The following GIGYF2 variants were observed in gnomAD, a reference collection of about 807,000 sequenced individuals.
GIGYF2 encodes the protein GRB10 interacting GYF protein 2, also known as GRB10-interacting GYF protein 2.
Under a neutral mutation model 208.1 loss-of-function variants are expected in GIGYF2, and 25 were observed. The ratio of observed to expected loss-of-function variants is 0.12; its 90% CI spans 0.09 to 0.17. The LOEUF (loss-of-function observed/expected upper bound fraction) is 0.17, where lower values mean the gene tolerates loss of function less well. GIGYF2 is among the 10% of genes least tolerant of loss of function. The probability of loss-of-function intolerance (pLI) is 1.00; values close to 1 mark genes in which losing one functional copy is unlikely to be tolerated. For synonymous variants in GIGYF2, 534 were observed against 543.8 expected, an observed-to-expected ratio of 0.98 and a Z score of 0.25; for missense variants, 1,302 against 1,579.4, an observed-to-expected ratio of 0.82 and a Z score of 2.98.
chr2:232,742,266 C>T (rs978409856), intron 3 of GIGYF2, among the ~76,000 whole-genome samples: 7 of 152,148 alleles, frequency 4.6e-5, no homozygotes, highest in South Asian at 2.1e-4. Context: ...TGGGGCTGGG[C>T]GCAGTGGCTC....
At chr2:232,776,019 A>G (rs1319692174) in intron 8 of GIGYF2, among the ~76,000 whole-genome samples, 2 of 152,124 alleles carry the variant, frequency 1.3e-5, no homozygotes, top group African/African-American at 4.8e-5. Context: ...CGATTAGGAT[A>G]CTCATCACTT....
At chr2:232,824,750 G>C (rs549548345) in intron 21 of GIGYF2, among the ~76,000 whole-genome samples, 1 of 152,342 alleles carries the variant, frequency 6.6e-6, no homozygotes, top group Admixed American at 6.5e-5. Context: ...CAGTATAAAT[G>C]AAACAGCGTT....
intron 3 of GIGYF2, among the ~76,000 whole-genome samples, chr2:232,740,270 CAACA>C (rs1338175397): frequency 5.9e-5 from 9 of 152,106 alleles, no homozygotes; most frequent in Non-Finnish European, 1.5e-5. Context: ...CAACCTGGGA[CAACA>C]TAGTGAGAAC....
At chr2:232,839,390 T>C (rs944522362) in intron 22 of GIGYF2, among the ~76,000 whole-genome samples, 1 of 152,240 alleles carries the variant, frequency 6.6e-6, no homozygotes, top group Non-Finnish European at 1.5e-5. Flanking sequence ...GCATCTCTCA[T>C]GAGATGAGAA....
intron 23 of GIGYF2, 69 bp from the exon 24 acceptor site, chr2:232,843,976 GT>G: frequency 2.2e-6 from 3 of 1,372,966 alleles, no homozygotes; most frequent in Non-Finnish European, 3.1e-6. Context: ...ATTCCATTTA[GT>G]ATACTGGATA....
chr2:232,757,183 C>A (rs982485571), intron 6 of GIGYF2, among the ~76,000 whole-genome samples: 3 of 151,876 alleles, frequency 2.0e-5, no homozygotes, highest in African/African-American at 7.3e-5. Flanking sequence ...TCTACAGTCT[C>A]TCTAGAAAAT....
intron 4 of GIGYF2, among the ~76,000 whole-genome samples, chr2:232,748,321 C>A (rs889406997): frequency 6.6e-6 from 1 of 152,112 alleles, no homozygotes; most frequent in Non-Finnish European, 1.5e-5. Flanking sequence ...CTGGCTCAGT[C>A]ACCCAGGCTG....
chr2:232,739,879 C>A (rs1697906009), intron 3 of GIGYF2, among the ~76,000 whole-genome samples: 1 of 145,892 alleles, frequency 6.9e-6, no homozygotes, highest in Admixed American at 7.0e-5. Flanking sequence ...GCGGGTGGAT[C>A]ACTTGAGGTC....
Position 232,790,773 on chromosome 2 carries a change from A to T in GIGYF2, c.788A>T (p.Asp263Val), listed in dbSNP as rs748042091. ...RRFEFDFRDR[D>V]DERGYRRVRS... is the part of the protein sequence containing the mutation. ...TTTGAGTTTGATTTTCGAGATAGAG[A>T]TGATGAACGGGGTTACCGAAGGGTT... Residue 263 changes from aspartate to valine, a missense_variant, in exon 10 of 29, where the codon GAT becomes GTT. This residue lies in a region of GIGYF2 where 50 missense variants were observed against 42.3 expected (regional missense o/e 1.18). Transcript: ENST00000373563. 1 of 1,614,114 alleles carries T rather than the reference A, an allele frequency of 6.2e-7. No individual in the cohort carries two copies. Among genetic ancestry groups the T allele is most frequent in the East Asian group, 2.2e-5 (1 of 44,880 alleles).
chr2:232,814,674 A>G (rs558709169), intron 18 of GIGYF2, among the ~76,000 whole-genome samples: 3 of 150,940 alleles, frequency 2.0e-5, no homozygotes, highest in African/African-American at 7.3e-5. Flanking sequence ...CATTATGTAT[A>G]TGCAAATATT....
At chr2:232,715,478 G>A (rs1696635917) in intron 2 of GIGYF2, among the ~76,000 whole-genome samples, 1 of 151,712 alleles carries the variant, frequency 6.6e-6, no homozygotes, top group Non-Finnish European at 1.5e-5. Context: ...ACATGCCATA[G>A]AAAGAATAAT....
intron 14 of GIGYF2, among the ~76,000 whole-genome samples, chr2:232,801,075 A>G (rs1685553961): frequency 6.6e-6 from 1 of 152,126 alleles, no homozygotes; most frequent in South Asian, 2.1e-4. Context: ...AAAAGAAAAA[A>G]AAGAGACAAA....
intron 21 of GIGYF2, among the ~76,000 whole-genome samples, chr2:232,832,383 G>C (rs967519046): frequency 1.3e-5 from 2 of 152,220 alleles, no homozygotes; most frequent in African/African-American, 4.8e-5. Flanking sequence ...TGTTCTGAAG[G>C]GCCTGTGGGC....
At chr2:232,827,714 CT>C in intron 21 of GIGYF2, among the ~76,000 whole-genome samples, 1 of 152,210 alleles carries the variant, frequency 6.6e-6, no homozygotes. Flanking sequence ...TATTTTCTGT[CT>C]TCTACTTTGA....
intron 2 of GIGYF2, among the ~76,000 whole-genome samples, chr2:232,714,868 T>C (rs1696606541): frequency 6.6e-6 from 1 of 152,162 alleles, no homozygotes; most frequent in Non-Finnish European, 1.5e-5. Flanking sequence ...ATGTGTGTCA[T>C]GGGGGTTTGT....
intron 3 of GIGYF2, among the ~76,000 whole-genome samples, chr2:232,744,546 C>CT (rs575967167): frequency 1.7e-3 from 243 of 142,812 alleles, no homozygotes; most frequent in Middle Eastern, 3.5e-3. Context: ...TTCTTTCTTT[C>CT]TTTTTTTTTT....
Position 232,791,358 on chromosome 2 carries a change from T to A in GIGYF2, c.1194T>A (p.Asp398Glu), listed in dbSNP as rs766283886. The A allele has an allele frequency of 9.3e-6, 15 of 1,614,068 alleles. No homozygotes were observed. The highest frequency in any genetic ancestry group is 1.7e-5 in the Admixed American group (1 of 60,008). The stretch of plus-strand genomic sequence containing the variant: ...AAGCATCACAGTTTGAGAGGAAAGA[T>A]GAACCAAAAACTGAGCAAACGGAAA... ...SQEASQFERK[D>E]EPKTEQTEKA... The change falls in exon 12 of 29, where the codon GAT becomes GAA. Residue 398 changes from aspartate (D) to glutamate (E), a missense_variant. Asp to Glu is a conservative substitution (Grantham distance 45). Around this residue, in one of 8 missense-constraint regions of GIGYF2, gnomAD observed 235 missense variants for 218.8 expected, o/e 1.07. Coordinates refer to ENST00000373563, the MANE Select transcript of GIGYF2 (RefSeq NM_001103146.3).
At chr2:232,750,571 C>T (rs917823780) in intron 5 of GIGYF2, among the ~76,000 whole-genome samples, 1 of 151,942 alleles carries the variant, frequency 6.6e-6, no homozygotes, top group Non-Finnish European at 1.5e-5. Flanking sequence ...AATTTTTTCC[C>T]ATCGTTTTTG....
At chr2:232,767,732 A>T (rs1699034370) in intron 8 of GIGYF2, 1 of 166,280 alleles carries the variant, frequency 6.0e-6, no homozygotes, top group Non-Finnish European at 1.3e-5. Flanking sequence ...TCTTGAAAAA[A>T]ATCCCAGCTC....
Sources: allele counts gnomAD v4.1 joint callset (sites outside exome capture counted in the v4.1 genomes callset), GRCh38; gene constraint gnomAD v4.1.1; regional missense constraint gnomAD v4.1.1; transcripts MANE v1.5; gene names NCBI Gene and HGNC (gene_info 2026-07-23, HGNC 2026-07-21).